The following PRKD1 variants were observed in gnomAD, a reference collection of about 807,000 sequenced individuals.
PRKD1 encodes protein kinase D1.
In PRKD1, 63 loss-of-function variants were observed where a neutral mutation model predicts 95.9. The observed-to-expected ratio is 0.66, with a 90% CI of 0.54 to 0.81. PRKD1 has a LOEUF of 0.81. PRKD1 is among the 30% of genes least tolerant of loss of function. The pLI is 0.00. For missense variants in PRKD1, 1,048 were observed against 1,165.3 expected (o/e 0.90, Z 1.47); for synonymous variants, 425 against 423.1 (o/e 1.00, Z -0.05).
At chr14:29,624,059 G>A in intron 13 of PRKD1, 93 bp downstream of exon 13, 1 of 855,512 alleles carries the variant, frequency 1.2e-6, no homozygotes, top group Non-Finnish European at 1.8e-6. Context: ...AAATATTTAT[G>A]CCACAGGTTT....
chr14:29,659,022 A>C (rs1374564451), intron 4 of PRKD1, among the ~76,000 whole-genome samples: 1 of 152,180 alleles, frequency 6.6e-6, no homozygotes, highest in Non-Finnish European at 1.5e-5. Flanking sequence ...CTGAGGTACA[A>C]TTCATATGGA....
chr14:29,754,995 T>C (rs1049101478), intron 1 of PRKD1, among the ~76,000 whole-genome samples: 2 of 152,110 alleles, frequency 1.3e-5, no homozygotes, highest in Non-Finnish European at 2.9e-5. Context: ...CACAGACACC[T>C]TATATAAATT....
chr14:29,878,794 T>C (rs529367369), intron 1 of PRKD1, among the ~76,000 whole-genome samples: 59 of 152,114 alleles, frequency 3.9e-4, no homozygotes, highest in Non-Finnish European at 8.1e-4. Flanking sequence ...AGGTACACAA[T>C]TTCTGATTGG....
chr14:29,688,428 G>A (rs536849383), intron 2 of PRKD1, among the ~76,000 whole-genome samples: 9 of 152,240 alleles, frequency 5.9e-5, no homozygotes, highest in African/African-American at 1.9e-4. Context: ...TGAGGTAGGT[G>A]GGGGCGGGAG....
At chr14:29,580,629 T>C (rs1028346181) in intron 16 of PRKD1, among the ~76,000 whole-genome samples, 1 of 152,154 alleles carries the variant, frequency 6.6e-6, no homozygotes, top group Non-Finnish European at 1.5e-5. Context: ...GTTACTTTTC[T>C]GGAACTCTTA....
intron 1 of PRKD1, among the ~76,000 whole-genome samples, chr14:29,844,666 C>T (rs775666516): frequency 1.3e-5 from 2 of 152,094 alleles, no homozygotes; most frequent in Non-Finnish European, 2.9e-5. Context: ...TTTTTATCCC[C>T]ATTTAGCAGG....
At chr14:29,870,139 G>A (rs1017485259) in intron 1 of PRKD1, among the ~76,000 whole-genome samples, 5 of 152,084 alleles carry the variant, frequency 3.3e-5, no homozygotes, top group African/African-American at 1.2e-4. Flanking sequence ...TCAAACAAAT[G>A]CCCAGATTAT....
chr14:29,842,846 C>T (rs1891911493), intron 1 of PRKD1, among the ~76,000 whole-genome samples: 1 of 152,062 alleles, frequency 6.6e-6, no homozygotes, highest in Admixed American at 6.6e-5. Context: ...ATGGACCAGG[C>T]AGAGGGTTAA....
At chr14:29,801,968 A>G (rs1014943392) in intron 1 of PRKD1, among the ~76,000 whole-genome samples, 1 of 152,210 alleles carries the variant, frequency 6.6e-6, no homozygotes. Flanking sequence ...GATTACAGGC[A>G]TGAGCCACCA....
chr14:29,672,228 C>T (rs761933577), intron 2 of PRKD1, among the ~76,000 whole-genome samples: 1 of 151,892 alleles, frequency 6.6e-6, no homozygotes, highest in Non-Finnish European at 1.5e-5. Context: ...GTAGTCCCAG[C>T]TATTTGGGAG....
At chr14:29,725,102 C>T (rs1197988337) in intron 2 of PRKD1, among the ~76,000 whole-genome samples, 1 of 152,174 alleles carries the variant, frequency 6.6e-6, no homozygotes, top group Non-Finnish European at 1.5e-5. Context: ...TACCTCATAG[C>T]TACTGGACTT....
At chr14:29,666,349 A>G in intron 2 of PRKD1, 141 bp from the exon 3 acceptor site, 1 of 830,416 alleles carries the variant, frequency 1.2e-6, no homozygotes, top group South Asian at 3.5e-5. Context: ...CACAGCTTGC[A>G]CTTTCAGCCA....
intron 1 of PRKD1, among the ~76,000 whole-genome samples, chr14:29,884,967 A>C (rs1200488105): frequency 6.6e-6 from 1 of 151,946 alleles, no homozygotes. Context: ...CTAAAAATAC[A>C]GAAAAATTAG....
chr14:29,595,297 T>G (rs901833516), intron 16 of PRKD1, among the ~76,000 whole-genome samples: 1 of 152,226 alleles, frequency 6.6e-6, no homozygotes, highest in African/African-American at 2.4e-5. Flanking sequence ...CTGACTGGCC[T>G]AAATTCTATC....
Position 29,636,485 on chromosome 14 carries a change from C to A in PRKD1, c.995G>T (p.Ser332Ile). ...GACCACATCAGACTCTGCCCCAGGGCTAAGCAAATCTAGAAAATTATTTTC... is the reference window on the plus strand; with the variant it reads ...GACCACATCAGACTCTGCCCCAGGGATAAGCAAATCTAGAAAATTATTTTC... ...GEVTINGDLL[S>I]PGAESDVVME... The change falls in exon 7 of 18, where the codon AGC becomes ATC. Residue 332 changes from serine (S) to isoleucine (I), a missense_variant. Physicochemically the swap from Ser to Ile is moderately radical, Grantham distance 142. Around this residue, in one of 3 missense-constraint regions of PRKD1, gnomAD observed 739 missense variants for 861.9 expected, o/e 0.86. Transcript: ENST00000331968. 6.2e-7 allele frequency: 1 copy of A among 1,614,056 alleles called. No homozygotes were observed. Among genetic ancestry groups the A allele is most frequent in the Non-Finnish European group, 8.5e-7 (1 of 1,179,992 alleles).
chr14:29,808,415 T>TTTTTTTTTTGTTTTG (rs1890335906), intron 1 of PRKD1, among the ~76,000 whole-genome samples: 1 of 131,988 alleles, frequency 7.6e-6, no homozygotes, highest in Non-Finnish European at 1.6e-5. Context: ...TTTTTTTTTT[T>TTTTTTTTTTGTTTTG]GAGATGGGAG....
intron 1 of PRKD1, among the ~76,000 whole-genome samples, chr14:29,765,203 A>T (rs1316525509): frequency 6.6e-6 from 1 of 152,230 alleles, no homozygotes; most frequent in Non-Finnish European, 1.5e-5. Flanking sequence ...ACAACAAAGG[A>T]GTAGTATCAA....
chr14:29,911,153 G>A (rs187162360), intron 1 of PRKD1, among the ~76,000 whole-genome samples: 2,397 of 152,132 alleles, frequency 0.016, 42 homozygotes, highest in Middle Eastern at 0.048. Context: ...AATTTATTAG[G>A]TGTGTAAGAA....
intron 1 of PRKD1, among the ~76,000 whole-genome samples, chr14:29,770,254 G>A (rs888147305): frequency 2.0e-5 from 3 of 152,212 alleles, no homozygotes; most frequent in Non-Finnish European, 4.4e-5. Context: ...ACAGATATTG[G>A]TACCAAGAAG....
Sources: allele counts gnomAD v4.1 joint callset (sites outside exome capture counted in the v4.1 genomes callset), GRCh38; gene constraint gnomAD v4.1.1; regional missense constraint gnomAD v4.1.1; transcripts MANE v1.5; gene names NCBI Gene and HGNC (gene_info 2026-07-23, HGNC 2026-07-21).